The following RABGEF1 variants were observed in gnomAD, a reference collection of about 807,000 sequenced individuals.
RABGEF1 encodes the protein RAB guanine nucleotide exchange factor 1.
RABGEF1 carries 26 observed loss-of-function variants against 57.3 expected under a neutral mutation model. The ratio of observed to expected loss-of-function variants is 0.45; its 90% confidence interval spans 0.33 to 0.63. RABGEF1 has a LOEUF of 0.63. Ranked by LOEUF, RABGEF1 falls within the 20% of genes least tolerant of loss-of-function variation. The pLI, the probability that RABGEF1 is intolerant of heterozygous loss-of-function variation, is 0.02. For synonymous variants in RABGEF1, 185 were observed against 210.7 expected (o/e 0.88, Z 1.06); for missense variants, 464 against 607.6 (o/e 0.76, Z 2.48).
chr7:66,752,990 G>T (rs1202005540), intron 1 of RABGEF1, among the ~76,000 whole-genome samples: 1 of 152,192 alleles, frequency 6.6e-6, no homozygotes, highest in South Asian at 2.1e-4. Context: ...TCCTGGCACT[G>T]TGCTAAGTGG....
At chr7:66,798,024 C>T (rs1398196392) in intron 6 of RABGEF1, among the ~76,000 whole-genome samples, 1 of 151,986 alleles carries the variant, frequency 6.6e-6, no homozygotes, top group Non-Finnish European at 1.5e-5. Context: ...GGCTAAGGCA[C>T]GAGAATGGCT....
At chr7:66,750,914 A>G (rs1801251135) in intron 1 of RABGEF1, among the ~76,000 whole-genome samples, 1 of 152,246 alleles carries the variant, frequency 6.6e-6, no homozygotes, top group Non-Finnish European at 1.5e-5. Flanking sequence ...TCTGCTGTTA[A>G]ATACACGGTT....
At chr7:66,730,749 G>T (rs1797224207) in intron 2 of RABGEF1, among the ~76,000 whole-genome samples, 1 of 152,030 alleles carries the variant, frequency 6.6e-6, no homozygotes, top group Admixed American at 6.5e-5. Context: ...GTAGAGATGG[G>T]ATTTCACCAT....
chr7:66,657,736 G>C, the RABGEF1 span, among the ~76,000 whole-genome samples: 4 of 152,158 alleles, frequency 2.6e-5, no homozygotes, highest in East Asian at 1.9e-4. Context: ...CAGGAGAATC[G>C]CTTGAACCTG....
intron 1 of RABGEF1, among the ~76,000 whole-genome samples, chr7:66,761,910 G>A (rs2129086142): frequency 6.6e-6 from 1 of 152,198 alleles, no homozygotes; most frequent in Middle Eastern, 3.4e-3. Context: ...AATTAGCTGG[G>A]CATGGTGGCA....
chr7:66,777,952 T>A (rs1808938386), intron 3 of RABGEF1, among the ~76,000 whole-genome samples: 1 of 152,244 alleles, frequency 6.6e-6, no homozygotes, highest in African/African-American at 2.4e-5. Context: ...GCTTTTTGTC[T>A]GTAGAAAGCT....
At chr7:66,720,508 T>TA (rs34361821) in intron 2 of RABGEF1, among the ~76,000 whole-genome samples, 6,629 of 142,244 alleles carry the variant, frequency 0.047, 183 homozygotes, top group East Asian at 0.091. Context: ...CACTGATAAT[T>TA]AAAAAAAAAA....
At chr7:66,656,981 C>T in the RABGEF1 span, among the ~76,000 whole-genome samples, 1 of 151,920 alleles carries the variant, frequency 6.6e-6, no homozygotes, top group East Asian at 1.9e-4. Context: ...AACATATGTG[C>T]CTAACAACAG....
At chr7:66,770,909 A>T (rs1341810567) in intron 1 of RABGEF1, among the ~76,000 whole-genome samples, 1 of 152,056 alleles carries the variant, frequency 6.6e-6, no homozygotes, top group African/African-American at 2.4e-5. Flanking sequence ...GGCTGTTGGT[A>T]TGTCTTTGGA....
intron 8 of RABGEF1, 109 bp from the exon 9 acceptor site, chr7:66,808,777 T>C: frequency 1.7e-6 from 2 of 1,193,884 alleles, no homozygotes; most frequent in South Asian, 1.6e-5. Flanking sequence ...GTTTGTTTTG[T>C]TTACTTTAGC....
upstream of RABGEF1, among the ~76,000 whole-genome samples, chr7:66,680,592 G>T (rs776563927): frequency 2.0e-5 from 3 of 151,648 alleles, no homozygotes; most frequent in Admixed American, 6.6e-5. Context: ...CACACATTAG[G>T]CACCTAGGAA....
chr7:66,800,723 A>G (rs1442944624), intron 7 of RABGEF1, among the ~76,000 whole-genome samples: 2 of 152,164 alleles, frequency 1.3e-5, no homozygotes, highest in South Asian at 2.1e-4. Context: ...AGAGTGTTCT[A>G]TGAGAGTTTT....
At chr7:66,725,222 A>G (rs367599914) in intron 2 of RABGEF1, among the ~76,000 whole-genome samples, 30 of 152,228 alleles carry the variant, frequency 2.0e-4, no homozygotes, top group East Asian at 7.7e-4. Flanking sequence ...TTACCATACA[A>G]TTCACTAATT....
At chr7:66,738,211 G>A (rs111811058), upstream of RABGEF1, among the ~76,000 whole-genome samples, 6,449 of 151,940 alleles carry the variant, frequency 0.042, 212 homozygotes, top group Non-Finnish European at 0.068. Flanking sequence ...TAGAGGTGGC[G>A]TTTCACCATG....
At chr7:66,658,707 TC>T in the RABGEF1 span, among the ~76,000 whole-genome samples, 1 of 152,180 alleles carries the variant, frequency 6.6e-6, no homozygotes, top group Non-Finnish European at 1.5e-5. Flanking sequence ...GCAAACTCTT[TC>T]AAAAACTTGA....
chr7:66,727,025 T>C (rs1319437773), intron 2 of RABGEF1, among the ~76,000 whole-genome samples: 2 of 152,030 alleles, frequency 1.3e-5, no homozygotes, highest in Non-Finnish European at 2.9e-5. Flanking sequence ...AAATAAAATA[T>C]AATATGGACT....
chr7:66,666,584 G>A, the RABGEF1 span, among the ~76,000 whole-genome samples: 1 of 152,202 alleles, frequency 6.6e-6, no homozygotes, highest in Admixed American at 6.5e-5. Flanking sequence ...CTCGTTTCTT[G>A]CCTCCTTCTG....
upstream of RABGEF1, among the ~76,000 whole-genome samples, chr7:66,679,157 G>A (rs945691035): frequency 3.3e-5 from 5 of 152,132 alleles, no homozygotes; most frequent in African/African-American, 7.2e-5. Context: ...ACAGGTTAGC[G>A]GTGTCAGAAG....
chr7:66,758,847 T>A (rs1803469326), intron 1 of RABGEF1, among the ~76,000 whole-genome samples: 1 of 152,204 alleles, frequency 6.6e-6, no homozygotes, highest in Non-Finnish European at 1.5e-5. Flanking sequence ...CCATGATAGG[T>A]GTTATTTTTA....
Sources: gnomAD v4.1 joint callset for allele counts (sites outside exome capture counted in the v4.1 genomes callset) on GRCh38, gnomAD v4.1.1 for gene constraint, MANE v1.5 for transcripts, NCBI Gene and HGNC (gene_info 2026-07-23, HGNC 2026-07-21) for gene names.